KCNMA1: variants seen among roughly 807,000 people sequenced by gnomAD.
KCNMA1 encodes the protein Calcium-activated potassium channel subunit alpha-1.
KCNMA1 carries 29 observed loss-of-function variants against 140.0 expected under a neutral mutation model. The observed-to-expected ratio is 0.21, with a 90% CI of 0.15 to 0.28. KCNMA1 has a LOEUF of 0.28. Among genes scored for constraint, KCNMA1 ranks in the 10% least tolerant of loss-of-function variants. The pLI, the probability that KCNMA1 is intolerant of heterozygous loss-of-function variation, is 1.00. For missense variants in KCNMA1, 880 were observed against 1,602.2 expected, an observed-to-expected ratio of 0.55 and a Z score of 7.70; for synonymous variants, 612 against 611.9, an observed-to-expected ratio of 1.00 and a Z score of 0.00.
chr10:77,062,724 T>C lies in KCNMA1; in HGVS notation c.1749+10373A>G, dbSNP rs530315922. ...AAAAGAGCTTAATTTTTATAGTTTTTCATGGTTGAGGGGAAACCTAGGATA... is the reference window on the plus strand; with the variant it reads ...AAAAGAGCTTAATTTTTATAGTTTTCCATGGTTGAGGGGAAACCTAGGATA... On this transcript the variant is annotated intron_variant, in intron 14 of 27. Coordinates refer to ENST00000286628, the MANE Select transcript of KCNMA1 (RefSeq NM_001161352.2). Among the ~76,000 whole-genome samples, 3 of 152,370 alleles carry C rather than the reference T, an allele frequency of 2.0e-5. No homozygotes were observed. In the South Asian group the frequency reaches 6.2e-4, roughly 32 times the overall value.
At chr10:77,264,409 G>T (rs2062857997) in intron 2 of KCNMA1, among the ~76,000 whole-genome samples, 1 of 152,158 alleles carries the variant, frequency 6.6e-6, no homozygotes, top group Admixed American at 6.5e-5. Context: ...TCACACTTTT[G>T]CAAACAAAAG....
intron 2 of KCNMA1, among the ~76,000 whole-genome samples, chr10:77,355,586 T>G (rs1463381816): frequency 6.6e-6 from 1 of 152,124 alleles, no homozygotes; most frequent in African/African-American, 2.4e-5. Context: ...GTGCCAGCCT[T>G]TGATAAAGAC....
At chr10:77,261,767 T>C (rs979549051) in intron 2 of KCNMA1, among the ~76,000 whole-genome samples, 26 of 152,208 alleles carry the variant, frequency 1.7e-4, no homozygotes, top group African/African-American at 5.3e-4. Context: ...GCAAGCATGA[T>C]AAAATCTTCC....
chr10:76,887,619 G>T, intron 27 of KCNMA1, 104 bp from the exon 28 acceptor site: 4 of 1,321,134 alleles, frequency 3.0e-6, no homozygotes, highest in Non-Finnish European at 4.3e-6. Flanking sequence ...GACTTTCAGA[G>T]GATCTGGAAG....
At chr10:77,633,228 T>C (rs1049933489) in intron 1 of KCNMA1, among the ~76,000 whole-genome samples, 3 of 152,014 alleles carry the variant, frequency 2.0e-5, no homozygotes, top group Non-Finnish European at 2.9e-5. Context: ...GGCAGGAGAA[T>C]TGCTTGAACC....
intron 1 of KCNMA1, among the ~76,000 whole-genome samples, chr10:77,497,649 C>T (rs896380842): frequency 6.6e-5 from 10 of 152,182 alleles, no homozygotes; most frequent in African/African-American, 1.4e-4. Context: ...GAGTTTAACC[C>T]GACTTAGATC....
chr10:77,093,474 T>C (rs1196137255), intron 9 of KCNMA1, among the ~76,000 whole-genome samples: 3 of 152,272 alleles, frequency 2.0e-5, no homozygotes, highest in South Asian at 2.1e-4. Flanking sequence ...AGCCCACATA[T>C]TGAAAATGTT....
At position 77,056,129 on chromosome 10, in the gene KCNMA1, C is replaced by T. The variant is rs1254571942; in HGVS notation, c.1750-16492G>A. Among the ~76,000 whole-genome samples the T allele has an allele frequency of 2.6e-5, 4 of 152,198 alleles. No homozygotes were observed. The East Asian group carries it at 7.7e-4, about 29-fold the overall frequency. On this transcript the variant is annotated intron_variant, in intron 14 of 27. Coordinates refer to ENST00000286628, the MANE Select transcript of KCNMA1 (RefSeq NM_001161352.2). ...GGCGCAGTGCCTCGTGTCTGTAATT[C>T]CAGTATTTGGGAAGCCAAGGCGAGT...
Position 77,215,372 on chromosome 10 carries a change from T to C in KCNMA1, c.603-30456A>G, listed in dbSNP as rs2047386012. Among the ~76,000 whole-genome samples the C allele has an allele frequency of 4.0e-5, 6 of 149,968 alleles. No individual in the cohort carries two copies. The South Asian group carries it at 1.3e-3, about 32-fold the overall frequency. On this transcript the variant is annotated intron_variant, in intron 3 of 27. Coordinates refer to ENST00000286628, the MANE Select transcript of KCNMA1 (RefSeq NM_001161352.2). ...AACATGATTACAGATTGCACCTGTT[T>C]TGTTTTGTTTTGTTTTGTCTGTCTT...
chr10:77,447,376 A>G (rs1437972600), intron 1 of KCNMA1, among the ~76,000 whole-genome samples: 1 of 152,244 alleles, frequency 6.6e-6, no homozygotes, highest in Non-Finnish European at 1.5e-5. Context: ...GGTCTCCACC[A>G]GTACCCATCT....
chr10:77,002,932 ACT>A (rs1343023737), intron 18 of KCNMA1, among the ~76,000 whole-genome samples: 1 of 151,336 alleles, frequency 6.6e-6, no homozygotes, highest in Non-Finnish European at 1.5e-5. Flanking sequence ...CATTTCCCCC[ACT>A]CTTTCTTTTT....
chr10:76,986,099 A>G (rs1229413726), intron 19 of KCNMA1, among the ~76,000 whole-genome samples: 2 of 152,118 alleles, frequency 1.3e-5, no homozygotes, highest in African/African-American at 4.8e-5. Flanking sequence ...ATAGCAGGGG[A>G]TGTGAGGAAG....
chr10:76,920,292 G>GA (rs965196144), intron 23 of KCNMA1, among the ~76,000 whole-genome samples: 3 of 151,326 alleles, frequency 2.0e-5, no homozygotes, highest in East Asian at 2.0e-4. Flanking sequence ...AGAACCCAAA[G>GA]AAAAAAAATA....
chr10:77,211,376 T>C (rs1281656928), intron 3 of KCNMA1, among the ~76,000 whole-genome samples: 2 of 152,168 alleles, frequency 1.3e-5, no homozygotes, highest in African/African-American at 4.8e-5. Flanking sequence ...ATTAAATAAA[T>C]GGTGTGGGTA....
intron 23 of KCNMA1, among the ~76,000 whole-genome samples, chr10:76,920,014 GTGTGTGTATATATA>G (rs1333983383): frequency 1.2e-3 from 52 of 44,512 alleles, no homozygotes; most frequent in African/African-American, 6.4e-3. Context: ...GTGTGTGTGT[GTGTGTGTATATATA>G]TATATATATA....
chr10:77,186,818 T>A (rs2098863998), intron 3 of KCNMA1, among the ~76,000 whole-genome samples: 1 of 128,994 alleles, frequency 7.8e-6, no homozygotes, highest in Admixed American at 8.0e-5. Flanking sequence ...TGTGTGTGTG[T>A]CAGAGAATAA....
intron 5 of KCNMA1, among the ~76,000 whole-genome samples, chr10:77,169,796 T>C (rs1056911231): frequency 1.3e-5 from 2 of 152,230 alleles, no homozygotes; most frequent in African/African-American, 4.8e-5. Flanking sequence ...GCTAAATTCC[T>C]ACCTGGCCTT....
intron 1 of KCNMA1, among the ~76,000 whole-genome samples, chr10:77,528,625 A>G (rs900038260): frequency 6.7e-6 from 1 of 149,706 alleles, no homozygotes; most frequent in Admixed American, 6.6e-5. Context: ...AAAAAAAAAG[A>G]AAAGAAAAGA....
intron 1 of KCNMA1, among the ~76,000 whole-genome samples, chr10:77,598,393 G>A (rs1179328262): frequency 2.0e-5 from 3 of 152,178 alleles, no homozygotes; most frequent in East Asian, 1.9e-4. Context: ...AATTTTTGCT[G>A]AATGAATGGA....
Sources: gnomAD v4.1 joint callset for allele counts (sites outside exome capture counted in the v4.1 genomes callset) on GRCh38, gnomAD v4.1.1 for gene constraint, MANE v1.5 for transcripts, NCBI Gene and HGNC (gene_info 2026-07-23, HGNC 2026-07-21) for gene names.